DYM: variants seen among roughly 807,000 people sequenced by gnomAD.
DYM encodes dyggve-Melchior-Clausen syndrome protein.
Under a neutral mutation model 93.1 loss-of-function variants are expected in DYM, and 78 were observed. The observed-to-expected ratio is 0.84, with a 90% CI of 0.70 to 1.01. DYM has a LOEUF of 1.01. Ranked by LOEUF, DYM falls within the 50% of genes least tolerant of loss-of-function variation. The pLI is 0.00. For synonymous variants in DYM, 321 were observed against 319.7 expected (o/e 1.00, Z -0.04); for missense variants, 789 against 845.0 (o/e 0.93, Z 0.82).
chr18:49,187,964 C>G (rs1468491921), intron 14 of DYM, among the ~76,000 whole-genome samples: 1 of 152,050 alleles, frequency 6.6e-6, no homozygotes, highest in African/African-American at 2.4e-5. Flanking sequence ...CCACCTCATC[C>G]TCTGAAAAAA....
At chr18:49,372,572 G>T (rs142686502) in intron 5 of DYM, among the ~76,000 whole-genome samples, 1 of 151,958 alleles carries the variant, frequency 6.6e-6, no homozygotes, top group Non-Finnish European at 1.5e-5. Flanking sequence ...GCAAAACTCC[G>T]TCTCTACTAA....
chr18:49,428,993 A>G (rs925305697), intron 2 of DYM, among the ~76,000 whole-genome samples: 3 of 152,358 alleles, frequency 2.0e-5, no homozygotes, highest in East Asian at 1.9e-4. Context: ...CTGACACTCA[A>G]TGAGCTAAGA....
At chr18:49,258,980 A>C (rs1368046539) in intron 11 of DYM, among the ~76,000 whole-genome samples, 7 of 75,914 alleles carry the variant, frequency 9.2e-5, no homozygotes, top group Non-Finnish European at 1.7e-4. Context: ...GGGGGAAAAA[A>C]CAAAAAAAAA....
intron 16 of DYM, among the ~76,000 whole-genome samples, chr18:49,106,731 G>T (rs1003719060): frequency 5.3e-5 from 8 of 152,132 alleles, no homozygotes; most frequent in African/African-American, 1.9e-4. Flanking sequence ...TTGAATATTG[G>T]CCCCCACTCT....
intron 8 of DYM, among the ~76,000 whole-genome samples, chr18:49,308,200 A>G (rs2061381404): frequency 6.6e-6 from 1 of 152,186 alleles, no homozygotes; most frequent in African/African-American, 2.4e-5. Flanking sequence ...AATTATAGCT[A>G]AACTTACTTT....
At chr18:49,453,421 T>G (rs1419231562) in intron 1 of DYM, among the ~76,000 whole-genome samples, 1 of 152,204 alleles carries the variant, frequency 6.6e-6, no homozygotes, top group South Asian at 2.1e-4. Context: ...GGGTCCACAC[T>G]GCCTTTATGA....
intron 6 of DYM, among the ~76,000 whole-genome samples, chr18:49,359,287 A>T (rs552496033): frequency 1.3e-5 from 2 of 152,320 alleles, no homozygotes; most frequent in Admixed American, 1.3e-4. Flanking sequence ...ACACTGAAAA[A>T]TGTCAAGCCC....
At chr18:49,141,860 C>CT (rs1222260208) in intron 15 of DYM, among the ~76,000 whole-genome samples, 2 of 151,640 alleles carry the variant, frequency 1.3e-5, no homozygotes, top group Non-Finnish European at 1.5e-5. Context: ...AATATGTTTT[C>CT]TTTTTTTTGT....
intron 16 of DYM, among the ~76,000 whole-genome samples, chr18:49,113,647 T>C (rs1599846994): frequency 1.3e-5 from 2 of 152,166 alleles, no homozygotes; most frequent in East Asian, 1.9e-4. Flanking sequence ...CAGAGTTAAC[T>C]TCTGAAGGTT....
chr18:49,209,065 C>G (rs553069891), intron 14 of DYM, among the ~76,000 whole-genome samples: 1 of 152,126 alleles, frequency 6.6e-6, no homozygotes, highest in African/African-American at 2.4e-5. Flanking sequence ...AAAATGAGTA[C>G]AAAATACAAA....
chr18:49,110,163 G>A (rs1029400890), intron 16 of DYM, among the ~76,000 whole-genome samples: 9 of 152,156 alleles, frequency 5.9e-5, no homozygotes, highest in Non-Finnish European at 8.8e-5. Context: ...TTGTGATAGG[G>A]ACTATGTGGC....
At chr18:49,195,533 C>A (rs2091356649) in intron 14 of DYM, among the ~76,000 whole-genome samples, 1 of 152,094 alleles carries the variant, frequency 6.6e-6, no homozygotes, top group Admixed American at 6.5e-5. Context: ...ATTCATTAAC[C>A]AGCCTCTCCC....
At chr18:49,136,501 G>A (rs1404778257) in intron 15 of DYM, among the ~76,000 whole-genome samples, 1 of 151,976 alleles carries the variant, frequency 6.6e-6, no homozygotes, top group Non-Finnish European at 1.5e-5. Context: ...GACTTAAAAC[G>A]GCTCCACTTG....
Position 49,039,741 on chromosome 18 carries a change from G to A in DYM, c.*4314C>T, listed in dbSNP as rs901288488. ...ACTTTAGTTATAGAATTTCCAATGCGCCTTTTACAGTTTCTAACTCTCTGT... is the reference window on the plus strand; with the variant it reads ...ACTTTAGTTATAGAATTTCCAATGCACCTTTTACAGTTTCTAACTCTCTGT... On this transcript the variant is annotated 3_prime_UTR_variant, in exon 18 of 18. Transcript: ENST00000675505. 3.3e-5 allele frequency among the ~76,000 whole-genome samples: 5 copies of A among 151,798 alleles called. No individual in the cohort carries two copies. Among genetic ancestry groups the A allele is most frequent in the Non-Finnish European group, 2.9e-5 (2 of 68,002 alleles).
At chr18:49,174,285 C>T (rs1046352501) in intron 14 of DYM, among the ~76,000 whole-genome samples, 2 of 152,104 alleles carry the variant, frequency 1.3e-5, no homozygotes, top group African/African-American at 4.8e-5. Context: ...CTCTATGCCA[C>T]ACATCTCTCT....
chr18:49,397,323 C>G (rs1194420521), intron 2 of DYM, among the ~76,000 whole-genome samples: 1 of 152,152 alleles, frequency 6.6e-6, no homozygotes, highest in East Asian at 1.9e-4. Flanking sequence ...AAAACACTTT[C>G]AAATATATTG....
intron 17 of DYM, among the ~76,000 whole-genome samples, chr18:49,080,599 C>A (rs1470292007): frequency 3.4e-5 from 5 of 145,726 alleles, no homozygotes; most frequent in Middle Eastern, 3.8e-3. Flanking sequence ...GCTGACCCCC[C>A]CACCTCCCTC....
intron 17 of DYM, among the ~76,000 whole-genome samples, chr18:49,049,295 T>C (rs758004705): frequency 2.0e-5 from 3 of 152,200 alleles, no homozygotes; most frequent in Non-Finnish European, 2.9e-5. Flanking sequence ...AGGCAGATAA[T>C]TTGAGTTTCA....
chr18:49,348,545 C>T (rs2064813137), intron 6 of DYM, among the ~76,000 whole-genome samples: 1 of 152,038 alleles, frequency 6.6e-6, no homozygotes, highest in South Asian at 2.1e-4. Flanking sequence ...CTATCAACTT[C>T]ATCATATATA....
Sources: gnomAD v4.1 joint callset for allele counts (sites outside exome capture counted in the v4.1 genomes callset) on GRCh38, gnomAD v4.1.1 for gene constraint, MANE v1.5 for transcripts, NCBI Gene and HGNC (gene_info 2026-07-23, HGNC 2026-07-21) for gene names.